Variants in FPGS observed in about 807,000 individuals in gnomAD.
FPGS encodes folylpolyglutamate synthase.
FPGS carries 53 observed loss-of-function variants against 66.5 expected under a neutral mutation model. The ratio of observed to expected loss-of-function variants is 0.80; its 90% CI spans 0.64 to 1.00. The LOEUF (loss-of-function observed/expected upper bound fraction) is 1.00. Ranked by LOEUF, FPGS falls within the 50% of genes least tolerant of loss-of-function variation. The pLI is 0.00. For synonymous variants in FPGS, 348 were observed against 350.9 expected (o/e 0.99, Z 0.09); for missense variants, 702 against 807.7 (o/e 0.87, Z 1.59).
At chr9:127,803,272 T>C (rs1829678151) in intron 1 of FPGS, 11 of 1,232,356 alleles carry the variant, frequency 8.9e-6, no homozygotes, top group African/African-American at 1.6e-5. Context: ...TCGGAGACTA[T>C]AGCGTCCCCG....
chr9:127,802,924 T>C lies in FPGS; in HGVS notation c.-1T>C. On this transcript the variant is annotated 5_prime_UTR_variant, in exon 1 of 15. Transcript: ENST00000373247. ...AGAGCGCTGCCGGGGGCGCCGGGAC[T>C]ATGTCGCGGGCGCGGAGCCACCTGC... is the stretch of plus-strand genomic sequence containing the variant. 2.9e-6 allele frequency: 4 copies of C among 1,383,552 alleles called. No individual in the cohort carries two copies. The highest frequency in any genetic ancestry group is 3.7e-6 in the Non-Finnish European group (4 of 1,075,544). The allele number at this position is 1,383,552 out of a possible 1,614,324, so 85.7% of individuals were successfully genotyped here.
intron 4 of FPGS, 189 bp downstream of exon 4, chr9:127,804,889 A>AT: frequency 1.0e-5 from 6 of 575,116 alleles, no homozygotes; most frequent in Admixed American, 3.1e-5. Context: ...GGCAACCTTT[A>AT]ATTTTTTTTT....
Position 127,802,995 on chromosome 9 carries a change from C to T in FPGS, c.71C>T (p.Thr24Ile), listed in dbSNP as rs1293670109. 6 of 1,466,028 alleles carry T rather than the reference C, an allele frequency of 4.1e-6. No individual in the cohort carries two copies. Among genetic ancestry groups the T allele is most frequent in the Non-Finnish European group, 5.4e-6 (6 of 1,117,726 alleles). The allele number at this position is 1,466,028 out of a possible 1,614,324, so 90.8% of individuals were successfully genotyped here. ...LAAASARGIT[T>I]QVAARRGLSA... ...GCGGCGTCTGCGCGCGGCATAACGA[C>T]CCAGGTCGCGGCGCGGCGGGGCTTG... Residue 24 changes from threonine (T) to isoleucine (I), a missense_variant, in exon 1 of 15, where the codon ACC becomes ATC. Transcript: ENST00000373247.
At chr9:127,812,689 TTGTG>T (rs201993056) in intron 14 of FPGS, among the ~76,000 whole-genome samples, 1 of 138,978 alleles carries the variant, frequency 7.2e-6, no homozygotes, top group South Asian at 2.3e-4. Flanking sequence ...CAGCTAATTT[TTGTG>T]TGTGTGTGTT....
At position 127,813,948 on chromosome 9, in the gene FPGS, T is replaced by G; in HGVS notation, c.*344T>G. Reference sequence around the variant, plus strand: ...CCAGGCCCTGGGTCTTGCCATGTGCTGGGTGGTAGATTTCCTCCTCCCAGT... The same window carrying G: ...CCAGGCCCTGGGTCTTGCCATGTGCGGGGTGGTAGATTTCCTCCTCCCAGT... On this transcript the variant is annotated 3_prime_UTR_variant, in exon 15 of 15. Coordinates refer to ENST00000373247, the MANE Select transcript of FPGS (RefSeq NM_004957.6). 9.1e-7 allele frequency: 1 copy of G among 1,098,044 alleles called. No individual in the cohort carries two copies. Among genetic ancestry groups the G allele is most frequent in the Non-Finnish European group, 1.1e-6 (1 of 903,300 alleles). 68.0% of individuals were successfully genotyped at this position (1,098,044 alleles called of 1,614,324 possible). A position where few individuals can be genotyped will look rare whatever the true frequency, so the allele number is the denominator to read the frequency against.
chr9:127,805,844 T>A (rs1829785854), intron 4 of FPGS, among the ~76,000 whole-genome samples: 1 of 152,168 alleles, frequency 6.6e-6, no homozygotes, highest in Non-Finnish European at 1.5e-5. Flanking sequence ...TTGGTCTCAC[T>A]TGTCTAGACT....
chr9:127,806,240 T>A (rs1297551314), intron 4 of FPGS, among the ~76,000 whole-genome samples: 1 of 152,128 alleles, frequency 6.6e-6, no homozygotes, highest in Non-Finnish European at 1.5e-5. Context: ...GCACGGTGGC[T>A]CATGCCTGTA....
Position 127,804,139 on chromosome 9 carries a change from T to G in FPGS, c.139-146T>G, listed in dbSNP as rs1717224511. 5.7e-6 allele frequency: 6 copies of G among 1,059,888 alleles called. No individual in the cohort carries two copies. In the East Asian group the frequency reaches 1.5e-4, roughly 26 times the overall value. The allele number at this position is 1,059,888 out of a possible 1,614,324, so 65.7% of individuals were successfully genotyped here. A position where few individuals can be genotyped will look rare whatever the true frequency, so the allele number is the denominator to read the frequency against. Reference sequence around the variant, plus strand: ...ATGCCATACTCTCTGTTGCTTAACCTACAGGCTAGGCTAACAGTGCTGGCA... The same window carrying G: ...ATGCCATACTCTCTGTTGCTTAACCGACAGGCTAGGCTAACAGTGCTGGCA... On this transcript the variant is annotated intron_variant, in intron 1 of 14. Coordinates refer to ENST00000373247, the MANE Select transcript of FPGS (RefSeq NM_004957.6).
chr9:127,802,902 G>T lies in FPGS; in HGVS notation c.-23G>T. The T allele has an allele frequency of 1.5e-6, 2 of 1,350,828 alleles. No homozygotes were observed. Among genetic ancestry groups the T allele is most frequent in the South Asian group, 1.8e-5 (1 of 56,376 alleles). The allele number at this position is 1,350,828 out of a possible 1,614,324, so 83.7% of individuals were successfully genotyped here. A position where few individuals can be genotyped will look rare whatever the true frequency, so the allele number is the denominator to read the frequency against. On this transcript the variant is annotated 5_prime_UTR_variant, in exon 1 of 15. Transcript: ENST00000373247. The stretch of plus-strand genomic sequence containing the variant: ...GGGGCGTCTCCCGCCCGGGCCTAGA[G>T]CGCTGCCGGGGGCGCCGGGACTATG...
intron 12 of FPGS, 82 bp downstream of exon 12, chr9:127,809,916 G>A (rs1321552642): frequency 9.2e-7 from 1 of 1,086,402 alleles, no homozygotes; most frequent in Non-Finnish European, 1.4e-6. Flanking sequence ...GCGGGGTCGT[G>A]GGGAAGGGCG....
intron 14 of FPGS, among the ~76,000 whole-genome samples, chr9:127,812,471 C>T (rs2131861039): frequency 6.6e-6 from 1 of 151,724 alleles, no homozygotes; most frequent in East Asian, 1.9e-4. Flanking sequence ...GCCGGGACTA[C>T]AGGTGCACGC....
chr9:127,813,675 G>A lies in FPGS; in HGVS notation c.*71G>A. 3 of 1,454,424 alleles carry A rather than the reference G, an allele frequency of 2.1e-6. No homozygotes were observed. The highest frequency in any genetic ancestry group is 2.7e-6 in the Non-Finnish European group (3 of 1,103,626). The allele number at this position is 1,454,424 out of a possible 1,614,324, so 90.1% of individuals were successfully genotyped here. A position where few individuals can be genotyped will look rare whatever the true frequency, so the allele number is the denominator to read the frequency against. ...TTCTCCCCATGAACTTACATACTAG[G>A]TGCCTTTTGTTTTTGGCTTTCCTGG... On this transcript the variant is annotated 3_prime_UTR_variant, in exon 15 of 15. Transcript: ENST00000373247.
At position 127,807,045 on chromosome 9, in the gene FPGS, C is replaced by A; in HGVS notation, c.459C>A (p.Thr153=). The A allele has an allele frequency of 2.5e-6, 4 of 1,614,154 alleles. No homozygotes were observed. The highest frequency in any genetic ancestry group is 3.4e-6 in the Non-Finnish European group (4 of 1,180,014). The part of the protein sequence containing the change: ...NGQPISPELF[T]KYFWRLYHRL... ...AGCCCATCAGTCCTGAGCTCTTCAC[C>A]AAGTACTTCTGGCGCCTCTACCACC... is the stretch of plus-strand genomic sequence containing the variant. The change falls in exon 5 of 15, where the codon ACC becomes ACA. Residue 153 remains threonine (T), a synonymous_variant. Coordinates refer to ENST00000373247, the MANE Select transcript of FPGS (RefSeq NM_004957.6). This position sits in a 1 kb window ranked among gnomAD's most constrained non-coding sequence, Gnocchi z 5.8.
At chr9:127,806,902 A>T in intron 4 of FPGS, 71 bp from the exon 5 acceptor site, 1 of 1,117,324 alleles carries the variant, frequency 8.9e-7, no homozygotes, top group Non-Finnish European at 1.4e-6. Flanking sequence ...CAGTAGCATC[A>T]GTCCCTGCAG....
intron 9 of FPGS, 99 bp downstream of exon 9, chr9:127,808,410 C>A: frequency 6.7e-7 from 1 of 1,482,588 alleles, no homozygotes. Flanking sequence ...CCCATCTGTG[C>A]AGTGAGGACG....
At chr9:127,803,352 T>A in intron 1 of FPGS, 1 of 1,155,704 alleles carries the variant, frequency 8.7e-7, no homozygotes, top group East Asian at 4.2e-5. Flanking sequence ...GCGGTGCTTC[T>A]GGAGTTCCAG....
chr9:127,814,044 C>T lies in FPGS; in HGVS notation c.*440C>T, dbSNP rs1830210916. ...AGAGGGTGGCTGGAGTGAATTAAAG[C>T]CTTTGTTTTTTAAAGAAATGGCAAA... On this transcript the variant is annotated 3_prime_UTR_variant, in exon 15 of 15. Transcript: ENST00000373247. 2.6e-5 allele frequency: 26 copies of T among 998,294 alleles called. No individual in the cohort carries two copies. Among genetic ancestry groups the T allele is most frequent in the Non-Finnish European group, 3.0e-5 (25 of 840,390 alleles). 61.8% of individuals were successfully genotyped at this position (998,294 alleles called of 1,614,324 possible). A position where few individuals can be genotyped will look rare whatever the true frequency, so the allele number is the denominator to read the frequency against.
At chr9:127,814,216 T>C, downstream of FPGS, 1 of 939,596 alleles carries the variant, frequency 1.1e-6, no homozygotes, top group Non-Finnish European at 1.3e-6. Flanking sequence ...AGGTGGCCTG[T>C]CTGTGAGATG....
At position 127,803,396 on chromosome 9, in the gene FPGS, G is replaced by A. The variant is rs1034866368; in HGVS notation, c.138+334G>A. The A allele has an allele frequency of 1.6e-4, 170 of 1,085,062 alleles. 2 individuals are homozygous for A. In the East Asian group the frequency reaches 9.7e-3, roughly 62 times the overall value. 67.2% of individuals were successfully genotyped at this position (1,085,062 alleles called of 1,614,324 possible). A position where few individuals can be genotyped will look rare whatever the true frequency, so the allele number is the denominator to read the frequency against. ...GAGTCTGAACCGGCAGTGAGAGTGG[G>A]GAAAGAGGGTAGGGAAGAGACTCAG... is the stretch of plus-strand genomic sequence containing the variant. On this transcript the variant is annotated intron_variant, in intron 1 of 14. Transcript: ENST00000373247.
Sources: gnomAD v4.1 joint callset for allele counts (sites outside exome capture counted in the v4.1 genomes callset) on GRCh38, gnomAD v4.1.1 for gene constraint, Gnocchi (gnomAD v3.1) non-coding constraint, MANE v1.5 for transcripts, NCBI Gene and HGNC (gene_info 2026-07-23, HGNC 2026-07-21) for gene names.